The following ELF4 variants were observed in gnomAD, a reference collection of about 807,000 sequenced individuals.
The protein encoded by ELF4 is ETS-related transcription factor Elf-4.
In ELF4, 10 loss-of-function variants were observed where a neutral mutation model predicts 31.7. The ratio of observed to expected loss-of-function variants is 0.32; its 90% CI spans 0.19 to 0.54. The LOEUF (loss-of-function observed/expected upper bound fraction) is 0.54, where lower values mean the gene tolerates loss of function less well. Ranked by LOEUF, ELF4 falls within the 20% of genes least tolerant of loss-of-function variation. The pLI, the probability that ELF4 is intolerant of heterozygous loss-of-function variation, is 0.95. For synonymous variants in ELF4, 208 were observed against 226.7 expected (o/e 0.92, Z 0.74); for missense variants, 418 against 522.0 (o/e 0.80, Z 1.94).
At position 130,069,310 on chromosome X, in the gene ELF4, T is replaced by C. The variant is rs1272975995; in HGVS notation, c.1177A>G (p.Lys393Glu). The C allele has an allele frequency of 1.7e-5, 20 of 1,212,055 alleles. No individual in the cohort carries two copies. The highest frequency in any genetic ancestry group is 2.2e-5 in the Non-Finnish European group (20 of 895,597). Reference sequence around the variant, plus strand: ...CCTGGGTGCCCTTACCTCACAGCTTTGGTGAGCTTGACCTGGCCCTCTGCT... The same window carrying C: ...CCTGGGTGCCCTTACCTCACAGCTTCGGTGAGCTTGACCTGGCCCTCTGCT... ...SPAEGQVKLT[K>E]AVSASSVPSN... Residue 393 changes from lysine to glutamate, a missense_variant, in exon 8 of 9, where the codon AAA (lysine) becomes GAA (glutamate). Physicochemically the swap from Lys to Glu is moderately conservative, Grantham distance 56. This residue lies in a region of ELF4 where 260 missense variants were observed against 269.2 expected (regional missense o/e 0.97). Transcript: ENST00000308167.
At chrX:130,107,000 G>A (rs1933390818) in intron 1 of ELF4, among the ~76,000 whole-genome samples, 1 of 112,491 alleles carries the variant, frequency 8.9e-6, no homozygotes, top group Non-Finnish European at 1.9e-5. Context: ...TCCCAGCCAG[G>A]AGCAATGGCT....
chrX:130,098,299 G>C (rs949537184), intron 1 of ELF4, among the ~76,000 whole-genome samples: 2 of 112,253 alleles, frequency 1.8e-5, no homozygotes, highest in Non-Finnish European at 3.8e-5. Context: ...AGACAGGAAT[G>C]AGACGTGGTG....
intron 1 of ELF4, among the ~76,000 whole-genome samples, chrX:130,098,064 A>C (rs897927870): frequency 2.2e-4 from 25 of 111,677 alleles, no homozygotes; most frequent in Non-Finnish European, 4.3e-4. Flanking sequence ...CCAGGGCCCT[A>C]CCTGCTCTTT....
At position 130,069,472 on chromosome X, in the gene ELF4, C is replaced by A; in HGVS notation, c.1015G>T (p.Ala339Ser). Residue 339 changes from alanine to serine, a missense_variant, in exon 8 of 9, where the codon GCC (alanine) becomes TCC (serine). Physicochemically the swap from Ala to Ser is moderately conservative, Grantham distance 99. Around this residue, in one of 4 missense-constraint regions of ELF4, gnomAD observed 260 missense variants for 269.2 expected, o/e 0.97. Transcript: ENST00000308167. ...GAAGAGCTGCCCTTGCCCTGGGGGGCAGATCTGGATGAGACCCTGGAGCTG... is the reference window on the plus strand; with the variant it reads ...GAAGAGCTGCCCTTGCCCTGGGGGGAAGATCTGGATGAGACCCTGGAGCTG... ...RTSSRVSSRSAPQGKGSSSWE... is the reference protein window; with the variant it reads ...RTSSRVSSRSSPQGKGSSSWE... 8.2e-7 allele frequency: 1 copy of A among 1,212,396 alleles called. No homozygotes were observed. The highest frequency in any genetic ancestry group is 1.1e-6 in the Non-Finnish European group (1 of 895,668).
At chrX:130,106,181 C>G (rs73633970) in intron 1 of ELF4, among the ~76,000 whole-genome samples, 1 of 107,483 alleles carries the variant, frequency 9.3e-6, no homozygotes, top group Non-Finnish European at 1.9e-5. Flanking sequence ...AGCCTAGGCC[C>G]GCATCCCTCA....
chrX:130,076,432 CTT>C (rs942090916), intron 2 of ELF4, among the ~76,000 whole-genome samples: 4 of 111,435 alleles, frequency 3.6e-5, no homozygotes, highest in African/African-American at 1.3e-4. Context: ...TCATAGTTTT[CTT>C]TTCTTTTCTT....
intron 1 of ELF4, among the ~76,000 whole-genome samples, chrX:130,109,508 CG>C (rs1429506570): frequency 8.9e-6 from 1 of 112,523 alleles, no homozygotes; most frequent in Non-Finnish European, 1.9e-5. Context: ...GGGTATGGTG[CG>C]GGGCGGGGGC....
chrX:130,075,247 G>C (rs1214917750), intron 2 of ELF4, among the ~76,000 whole-genome samples: 1 of 108,564 alleles, frequency 9.2e-6, no homozygotes, highest in African/African-American at 3.4e-5. Flanking sequence ...GGGATTACAG[G>C]CGTGAGCCAC....
chrX:130,101,659 C>T (rs778102081), intron 1 of ELF4, among the ~76,000 whole-genome samples: 72 of 109,746 alleles, frequency 6.6e-4, no homozygotes, highest in African/African-American at 2.1e-3. Flanking sequence ...GGTGTGGTGG[C>T]GCATGACTGT....
At position 130,066,218 on chromosome X, in the gene ELF4, T is replaced by C; in HGVS notation, c.*503A>G. On this transcript the variant is annotated 3_prime_UTR_variant, in exon 9 of 9. Transcript: ENST00000308167. ...AAAACAAAATCCCTATCCCTGTGGC[T>C]GATCCACGGAGACATACACACACCC... The C allele has an allele frequency of 5.6e-6, 1 of 178,886 alleles. No homozygotes were observed. The highest frequency in any genetic ancestry group is 1.1e-5 in the Non-Finnish European group (1 of 93,734). 14.7% of individuals were successfully genotyped at this position (178,886 alleles called of 1,213,427 possible).
Position 130,065,551 on chromosome X carries a change from C to T in ELF4, c.*1170G>A. 2 of 174,780 alleles carry T rather than the reference C, an allele frequency of 1.1e-5. No individual in the cohort carries two copies. Among genetic ancestry groups the T allele is most frequent in the East Asian group, 8.1e-5 (1 of 12,389 alleles). The allele number at this position is 174,780 out of a possible 1,213,427, so 14.4% of individuals were successfully genotyped here. A position where few individuals can be genotyped will look rare whatever the true frequency, so the allele number is the denominator to read the frequency against. ...GCCTTCGAGGTGAGTTGCAGGCAGG[C>T]TGAGCAGCAGAAACCATGTGGTAGG... On this transcript the variant is annotated 3_prime_UTR_variant, in exon 9 of 9. Transcript: ENST00000308167.
chrX:130,079,223 C>T (rs974609037), intron 2 of ELF4, among the ~76,000 whole-genome samples: 4 of 110,454 alleles, frequency 3.6e-5, no homozygotes, highest in South Asian at 7.7e-4. Context: ...TTTGGGAGGG[C>T]GAGGCGGGTG....
Position 130,069,572 on chromosome X carries a change from C to T in ELF4, c.915G>A (p.Glu305=), listed in dbSNP as rs1027595342. The T allele has an allele frequency of 2.2e-5, 27 of 1,209,842 alleles. No homozygotes were observed. The highest frequency in any genetic ancestry group is 3.0e-5 in the East Asian group (1 of 33,765). ...GTGGGGCTGCTGTGGCTTCGCTGCT[C>T]TCATCCTCATCTTCAATGACCACCA... ...KDLVVIEDED[E]SSEATAAPPQ... Residue 305 remains glutamate (E), a synonymous_variant, in exon 8 of 9, where the codon GAG becomes GAA. Coordinates refer to ENST00000308167, the MANE Select transcript of ELF4 (RefSeq NM_001421.4).
chrX:130,074,868 C>A (rs1035896711), intron 2 of ELF4, 116 bp from the exon 3 acceptor site: 49 of 858,723 alleles, frequency 5.7e-5, no homozygotes, highest in Non-Finnish European at 7.4e-5. Context: ...AGGGACTGTC[C>A]TTTGTATAGG....
intron 1 of ELF4, among the ~76,000 whole-genome samples, chrX:130,089,916 T>C (rs959252067): frequency 9.0e-6 from 1 of 111,514 alleles, no homozygotes; most frequent in Non-Finnish European, 1.9e-5. Flanking sequence ...CTGGCCAACA[T>C]GGTGAAACTC....
chrX:130,104,260 C>A (rs765340786), intron 1 of ELF4, among the ~76,000 whole-genome samples: 7 of 99,869 alleles, frequency 7.0e-5, no homozygotes, highest in Non-Finnish European at 1.2e-4. Context: ...TACAGCACTG[C>A]CTGCCATTCA....
chrX:130,093,133 C>T (rs991311464), intron 1 of ELF4, among the ~76,000 whole-genome samples: 1 of 110,423 alleles, frequency 9.1e-6, no homozygotes, highest in African/African-American at 3.3e-5. Context: ...AACATGATGG[C>T]GTGGTGGCAG....
Position 130,072,073 on chromosome X carries a change from G to A in ELF4, c.532+153C>T, listed in dbSNP as rs753453047. On this transcript the variant is annotated intron_variant, in intron 5 of 8. Transcript: ENST00000308167. ...AATGTCAGGCTACAGGCAGACTAAC[G>A]GATGAGGCCAGGTTTTACAGAAGGG... Among the ~76,000 whole-genome samples, 5 of 111,990 alleles carry A rather than the reference G, an allele frequency of 4.5e-5. No homozygotes were observed. In the East Asian group the frequency reaches 1.4e-3, roughly 31 times the overall value.
In ELF4 at chrX:130,067,409, C is replaced by G; in HGVS notation, c.1304G>C (p.Ser435Thr). The G allele has an allele frequency of 1.6e-6, 2 of 1,212,243 alleles. No individual in the cohort carries two copies. Among genetic ancestry groups the G allele is most frequent in the Non-Finnish European group, 2.2e-6 (2 of 895,633 alleles). The change falls in exon 9 of 9, where the codon AGT (serine) becomes ACT (threonine). Residue 435 changes from serine (S) to threonine (T), a missense_variant. Physicochemically the swap from Ser to Thr is moderately conservative, Grantham distance 58 (BLOSUM62 1). Coordinates refer to ENST00000308167, the MANE Select transcript of ELF4 (RefSeq NM_001421.4). ...TTVLTNGPPA[S>T]TTAPTQLVLQ... is the part of the protein sequence containing the mutation. ...AACGAGCTGAGTGGGAGCAGTAGTA[C>G]TGGCAGGAGGCCCATTGGTCAGCAC... is the stretch of plus-strand genomic sequence containing the variant.
Sources: allele counts gnomAD v4.1 joint callset (sites outside exome capture counted in the v4.1 genomes callset), GRCh38; gene constraint gnomAD v4.1.1; regional missense constraint gnomAD v4.1.1; transcripts MANE v1.5; gene names NCBI Gene and HGNC (gene_info 2026-07-23, HGNC 2026-07-21).